The following LTBP2 variants were observed in gnomAD, a reference collection of about 807,000 sequenced individuals.
LTBP2 encodes latent-transforming growth factor beta-binding protein 2.
Under a neutral mutation model 210.6 loss-of-function variants are expected in LTBP2, and 103 were observed. The ratio of observed to expected loss-of-function variants is 0.49; its 90% CI spans 0.42 to 0.58. The LOEUF (loss-of-function observed/expected upper bound fraction) is 0.58, where lower values mean the gene tolerates loss of function less well. LTBP2 is among the 20% of genes least tolerant of loss of function. The pLI is 0.00. For missense variants in LTBP2, 2,313 were observed against 2,494.5 expected (o/e 0.93, Z 1.55); for synonymous variants, 1,007 against 1,015.0 (o/e 0.99, Z 0.15).
chr14:74,590,478 G>A (rs1472194003), intron 2 of LTBP2, among the ~76,000 whole-genome samples: 4 of 152,282 alleles, frequency 2.6e-5, no homozygotes, highest in Non-Finnish European at 4.4e-5. Flanking sequence ...GGTGGCAGGT[G>A]CCTGTAATCC....
chr14:74,575,106 C>G (rs1047355342), intron 3 of LTBP2, among the ~76,000 whole-genome samples: 4 of 152,242 alleles, frequency 2.6e-5, no homozygotes, highest in African/African-American at 9.6e-5. Flanking sequence ...TCTCCTGGGA[C>G]TTCTAGGCTC....
intron 35 of LTBP2, among the ~76,000 whole-genome samples, 168 bp from the exon 36 acceptor site, chr14:74,501,197 G>A (rs1261770860): frequency 2.0e-5 from 3 of 152,214 alleles, no homozygotes; most frequent in Admixed American, 6.5e-5. Context: ...GACAAAGCAG[G>A]GGGCAGCAAG....
At chr14:74,539,191 C>T (rs2087460748) in intron 8 of LTBP2, among the ~76,000 whole-genome samples, 1 of 152,206 alleles carries the variant, frequency 6.6e-6, no homozygotes, top group Admixed American at 6.5e-5. Flanking sequence ...GGACCGTCAT[C>T]CCCATTTTAC....
chr14:74,528,019 ACCCAGCCTCCC>A (rs2087296936), intron 12 of LTBP2, among the ~76,000 whole-genome samples: 1 of 152,022 alleles, frequency 6.6e-6, no homozygotes, highest in Non-Finnish European at 1.5e-5. Context: ...AGAGCCTCAT[ACCCAGCCTCCC>A]TCCAGCCCCG....
chr14:74,520,711 G>A (rs908205185), intron 17 of LTBP2, among the ~76,000 whole-genome samples: 7 of 152,210 alleles, frequency 4.6e-5, no homozygotes, highest in Non-Finnish European at 1.0e-4. Context: ...TGAGGCAGGA[G>A]AATGGCGTGA....
rs1488451565 is a variant in LTBP2, at chr14:74,502,900, A to G, written c.4923T>C (p.Ile1641=). The G allele has an allele frequency of 1.2e-6, 2 of 1,612,880 alleles. No homozygotes were observed. Among genetic ancestry groups the G allele is most frequent in the Non-Finnish European group, 8.5e-7 (1 of 1,179,988 alleles). Residue 1641 remains isoleucine, a synonymous_variant, in exon 34 of 36, where the codon ATT becomes ATC. Transcript: ENST00000261978. The part of the protein sequence containing the change: ...VYAQLCNVAR[I]EAEREAGVHF... ...GGACCCCGGCCTCCCGCTCTGCCTCAATGCGAGCCACGTTGCACAGCTGAG... is the reference window on the plus strand; with the variant it reads ...GGACCCCGGCCTCCCGCTCTGCCTCGATGCGAGCCACGTTGCACAGCTGAG...
chr14:74,505,106 C>T lies in LTBP2; in HGVS notation c.4246G>A (p.Gly1416Arg), dbSNP rs764828666. ...PAPTRMDCYSGQKGHAPCSSV... is the reference protein window; with the variant it reads ...PAPTRMDCYSRQKGHAPCSSV... Reference sequence around the variant, plus strand: ...GAGCAGGGCGCATGGCCCTTCTGCCCGGAGTAGCAGTCCATGCGGGTGGGG... The same window carrying T: ...GAGCAGGGCGCATGGCCCTTCTGCCTGGAGTAGCAGTCCATGCGGGTGGGG... The change falls in exon 29 of 36, where the codon GGG (glycine) becomes AGG (arginine). Residue 1416 changes from glycine to arginine, a missense_variant. Around this residue, in one of 3 missense-constraint regions of LTBP2, gnomAD observed 1,867 missense variants for 1,976.9 expected, o/e 0.94. Transcript: ENST00000261978. 49 of 1,613,870 alleles carry T rather than the reference C, an allele frequency of 3.0e-5. No individual in the cohort carries two copies. The highest frequency in any genetic ancestry group is 3.7e-5 in the Non-Finnish European group (44 of 1,180,032).
intron 3 of LTBP2, among the ~76,000 whole-genome samples, chr14:74,574,598 A>G (rs2088030970): frequency 6.6e-6 from 1 of 152,186 alleles, no homozygotes; most frequent in Admixed American, 6.5e-5. Context: ...GATGATGATG[A>G]TGAACTGGAA....
intron 18 of LTBP2, 130 bp from the exon 19 acceptor site, chr14:74,511,494 TGA>T: frequency 8.5e-7 from 1 of 1,180,608 alleles, no homozygotes. Flanking sequence ...TAGGAAAGAA[TGA>T]GAGCTGCCCT....
intron 8 of LTBP2, among the ~76,000 whole-genome samples, chr14:74,547,499 T>C (rs1202021314): frequency 6.6e-6 from 1 of 152,026 alleles, no homozygotes; most frequent in East Asian, 1.9e-4. Flanking sequence ...ACCACTCCAC[T>C]CCTTTACACT....
chr14:74,538,691 C>A (rs2087453481), intron 8 of LTBP2, among the ~76,000 whole-genome samples: 1 of 152,174 alleles, frequency 6.6e-6, no homozygotes, highest in Admixed American at 6.5e-5. Context: ...TAGGGACAGA[C>A]CAAGTGAGGA....
rs575230233 is a variant in LTBP2, at chr14:74,570,289, G to A, written c.831-14596C>T. 1.1e-4 allele frequency among the ~76,000 whole-genome samples: 17 copies of A among 152,096 alleles called. No homozygotes were observed. The South Asian group carries it at 1.5e-3, about 13-fold the overall frequency. On this transcript the variant is annotated intron_variant, in intron 3 of 35. Transcript: ENST00000261978. ...AGGACCCTTCCACCCTCCATGATGCGCCCCCACACATGCCCATGCACAAGC... is the reference window on the plus strand; with the variant it reads ...AGGACCCTTCCACCCTCCATGATGCACCCCCACACATGCCCATGCACAAGC...
chr14:74,548,813 T>C (rs1274619931), intron 8 of LTBP2, among the ~76,000 whole-genome samples: 1 of 152,206 alleles, frequency 6.6e-6, no homozygotes, highest in Non-Finnish European at 1.5e-5. Context: ...TATCTCCATT[T>C]TACAGATCAA....
intron 34 of LTBP2, 92 bp from the exon 35 acceptor site, chr14:74,501,682 GC>G: frequency 6.5e-7 from 1 of 1,540,462 alleles, no homozygotes; most frequent in East Asian, 2.3e-5. Flanking sequence ...GACAAAGGGT[GC>G]CCCTGTGGAA....
At chr14:74,581,776 T>G (rs1040681789) in intron 3 of LTBP2, among the ~76,000 whole-genome samples, 25 of 152,126 alleles carry the variant, frequency 1.6e-4, no homozygotes, top group African/African-American at 6.0e-4. Flanking sequence ...TGTTTTAACC[T>G]GCTAATTTTG....
chr14:74,527,322 C>T (rs544803841), intron 13 of LTBP2, 25 bp downstream of exon 13: 1 of 1,609,610 alleles, frequency 6.2e-7, no homozygotes, highest in South Asian at 1.1e-5. Flanking sequence ...GCTTGCCCGG[C>T]CCCCTAGTGG....
chr14:74,589,659 A>AAGC (rs2088253553), intron 2 of LTBP2, among the ~76,000 whole-genome samples: 1 of 152,158 alleles, frequency 6.6e-6, no homozygotes, highest in African/African-American at 2.4e-5. Context: ...TCCCCACCTG[A>AAGC]CCACCTGCCA....
In LTBP2 at chr14:74,516,904, C is replaced by T. The variant is rs944088009; in HGVS notation, c.2826G>A (p.Gly942=). ...AGCCCTCGGTGTTGGTGCACTGCCC[C>T]CCGCTGCACACCCCTGGCTGCTCAC... is the stretch of plus-strand genomic sequence containing the variant. The part of the protein sequence containing the change: ...NECEQPGVCS[G]GQCTNTEGSY... The change falls in exon 18 of 36, where the codon GGG becomes GGA. Residue 942 remains glycine, a synonymous_variant. Coordinates refer to ENST00000261978, the MANE Select transcript of LTBP2 (RefSeq NM_000428.3). 1 of 1,552,010 alleles carries T rather than the reference C, an allele frequency of 6.4e-7. No individual in the cohort carries two copies. Among genetic ancestry groups the T allele is most frequent in the Admixed American group, 2.0e-5 (1 of 51,084 alleles).
chr14:74,552,779 C>A, intron 5 of LTBP2, 113 bp downstream of exon 5: 1 of 1,379,340 alleles, frequency 7.2e-7, no homozygotes, highest in Non-Finnish European at 1.0e-6. Flanking sequence ...TTTGGGACAA[C>A]TTGTGGAGCC....
Sources: gnomAD v4.1 joint callset for allele counts (sites outside exome capture counted in the v4.1 genomes callset) on GRCh38, gnomAD v4.1.1 for gene constraint, gnomAD v4.1.1 regional missense constraint, MANE v1.5 for transcripts, NCBI Gene and HGNC (gene_info 2026-07-23, HGNC 2026-07-21) for gene names.